The following ALDH1A2 variants were observed in gnomAD, a reference collection of about 807,000 sequenced individuals.
The protein encoded by ALDH1A2 is retinal dehydrogenase 2.
A neutral mutation model predicts 60.3 loss-of-function variants in ALDH1A2; 27 were observed. That is an observed-to-expected ratio of 0.45 (90% CI 0.33 to 0.62). The LOEUF is 0.62. Ranked by LOEUF, ALDH1A2 falls within the 20% of genes least tolerant of loss-of-function variation. The pLI is 0.02. For synonymous variants in ALDH1A2, 289 were observed against 232.4 expected (o/e 1.24, Z -2.21); for missense variants, 581 against 643.8 (o/e 0.90, Z 1.06).
chr15:58,056,056 A>G (rs1369883909), intron 1 of ALDH1A2, among the ~76,000 whole-genome samples: 1 of 152,154 alleles, frequency 6.6e-6, no homozygotes, highest in East Asian at 1.9e-4. Flanking sequence ...GCACATGAGC[A>G]AGAGTACAAC....
At chr15:58,040,654 G>A (rs1354048946) in intron 1 of ALDH1A2, among the ~76,000 whole-genome samples, 14 of 151,872 alleles carry the variant, frequency 9.2e-5, no homozygotes, top group African/African-American at 3.4e-4. Flanking sequence ...CGTCTCCTCT[G>A]CTAAGATGTA....
chr15:57,977,754 G>C (rs1268665226), intron 7 of ALDH1A2, among the ~76,000 whole-genome samples: 1 of 150,974 alleles, frequency 6.6e-6, no homozygotes, highest in Non-Finnish European at 1.5e-5. Flanking sequence ...TATGAAGAAA[G>C]TCAATGGTAG....
At chr15:58,036,811 T>C (rs1396309458) in intron 1 of ALDH1A2, 11 of 151,722 alleles carry the variant, frequency 7.3e-5, no homozygotes, top group African/African-American at 2.2e-4. Flanking sequence ...GTGAAGGAGT[T>C]TGCTTCAGAG....
At chr15:57,980,131 G>T in intron 7 of ALDH1A2, 2 of 289,424 alleles carry the variant, frequency 6.9e-6, no homozygotes, top group Admixed American at 4.2e-5. Context: ...TACATTTGTT[G>T]GTGCCCATTT....
At chr15:57,961,397 T>C in intron 10 of ALDH1A2, 103 bp from the exon 11 acceptor site, 1 of 1,399,786 alleles carries the variant, frequency 7.1e-7, no homozygotes, top group Non-Finnish European at 9.9e-7. Context: ...TTAAATGACC[T>C]TTAAGTTTAG....
chr15:57,978,227 A>G (rs1380102346), intron 7 of ALDH1A2, among the ~76,000 whole-genome samples: 1 of 152,192 alleles, frequency 6.6e-6, no homozygotes, highest in Non-Finnish European at 1.5e-5. Context: ...TTCCAATACT[A>G]TGCTGAATAG....
intron 4 of ALDH1A2, among the ~76,000 whole-genome samples, chr15:58,004,742 T>C (rs1836861785): frequency 6.7e-6 from 1 of 148,678 alleles, no homozygotes; most frequent in Admixed American, 6.9e-5. Context: ...TATATATATA[T>C]ATTTTATCCA....
At chr15:58,020,062 A>T (rs1405339942) in intron 1 of ALDH1A2, among the ~76,000 whole-genome samples, 1 of 151,864 alleles carries the variant, frequency 6.6e-6, no homozygotes, top group Admixed American at 6.6e-5. Context: ...CCCACTTATA[A>T]GTGAGAACAT....
In ALDH1A2 at chr15:58,021,772, C is replaced by T. The variant is rs558501595; in HGVS notation, c.118-7491G>A. 4.6e-5 allele frequency among the ~76,000 whole-genome samples: 7 copies of T among 152,360 alleles called. No homozygotes were observed. In the South Asian group the frequency reaches 1.4e-3, roughly 32 times the overall value. The stretch of plus-strand genomic sequence containing the variant: ...GACAGCAGGGCAAGCTGGGAGTGCT[C>T]CTGTAGCCAAGGCTAAGAAGCCAGT... On this transcript the variant is annotated intron_variant, in intron 1 of 12. Transcript: ENST00000249750.
At chr15:58,001,507 C>T (rs766870826) in intron 4 of ALDH1A2, among the ~76,000 whole-genome samples, 3 of 151,928 alleles carry the variant, frequency 2.0e-5, no homozygotes, top group Non-Finnish European at 4.4e-5. Flanking sequence ...CTAAGCGCCT[C>T]TCTCCCTTTC....
At chr15:57,994,997 C>T in intron 5 of ALDH1A2, 81 bp downstream of exon 5, 3 of 1,330,888 alleles carry the variant, frequency 2.3e-6, no homozygotes, top group African/African-American at 1.4e-5. Context: ...AAACACACAT[C>T]GCTGAGGACC....
intron 1 of ALDH1A2, among the ~76,000 whole-genome samples, chr15:58,056,753 G>A (rs753163171): frequency 6.6e-6 from 1 of 152,018 alleles, no homozygotes; most frequent in Non-Finnish European, 1.5e-5. Context: ...TTAGCCAAAG[G>A]AGGAAAACCA....
At chr15:58,049,153 T>G (rs1210334273) in intron 1 of ALDH1A2, among the ~76,000 whole-genome samples, 5 of 152,148 alleles carry the variant, frequency 3.3e-5, no homozygotes, top group African/African-American at 1.2e-4. Context: ...GTGGTTTGGT[T>G]CTTTTCACTG....
At chr15:58,017,778 T>C (rs1895825997) in intron 1 of ALDH1A2, among the ~76,000 whole-genome samples, 1 of 152,084 alleles carries the variant, frequency 6.6e-6, no homozygotes, top group Non-Finnish European at 1.5e-5. Flanking sequence ...TTTTACCATC[T>C]CTTTATTCTT....
intron 1 of ALDH1A2, among the ~76,000 whole-genome samples, chr15:58,015,249 T>G (rs1895758596): frequency 6.6e-6 from 1 of 152,192 alleles, no homozygotes; most frequent in Non-Finnish European, 1.5e-5. Context: ...GTGCCTGCCA[T>G]TTAAAAAATA....
rs201593015 is a variant in ALDH1A2 at position 58,010,699 on chromosome 15, C to T, written c.443G>A (p.Arg148Gln). Residue 148 changes from arginine to glutamine, a missense_variant, in exon 4 of 13, where the codon CGA becomes CAA. This residue lies in a region of ALDH1A2 where 375 missense variants were observed against 469.7 expected (regional missense o/e 0.80). Coordinates refer to ENST00000249750, the MANE Select transcript of ALDH1A2 (RefSeq NM_003888.4). ...TTTATCAGCCCAGCCTGCGTAATATCGAAAGGTTTTGATGACGCCCTGCAA... is the reference window on the plus strand; with the variant it reads ...TTTATCAGCCCAGCCTGCGTAATATTGAAAGGTTTTGATGACGCCCTGCAA... ...VDLQGVIKTF[R>Q]YYAGWADKIH... 54 of 1,613,370 alleles carry T rather than the reference C, an allele frequency of 3.3e-5. No individual in the cohort carries two copies. Among genetic ancestry groups the T allele is most frequent in the East Asian group, 2.2e-5 (1 of 44,878 alleles).
In ALDH1A2 at chr15:58,065,609, G is replaced by A. The variant is rs1209147917; in HGVS notation, c.42C>T (p.Ala14=). ...GCGACGCCATGAGGGCGGCGGGGTC[G>A]GCCTTCACCTCGCCGGGCATCTCTA... ...SKIEMPGEVK[A]DPAALMASLH... Residue 14 remains alanine (A), a synonymous_variant, in exon 1 of 13, where the codon GCC becomes GCT. Coordinates refer to ENST00000249750, the MANE Select transcript of ALDH1A2 (RefSeq NM_003888.4). 1 of 1,610,036 alleles carries A rather than the reference G, an allele frequency of 6.2e-7. No homozygotes were observed. Among genetic ancestry groups the A allele is most frequent in the Non-Finnish European group, 8.5e-7 (1 of 1,177,968 alleles).
intron 4 of ALDH1A2, among the ~76,000 whole-genome samples, chr15:58,002,510 C>T (rs1208690438): frequency 4.6e-5 from 7 of 151,914 alleles, no homozygotes; most frequent in Admixed American, 4.6e-4. Context: ...CTCGCATTGG[C>T]ACATCCTATA....
chr15:58,054,299 A>C (rs1254609138), intron 1 of ALDH1A2, among the ~76,000 whole-genome samples: 1 of 152,154 alleles, frequency 6.6e-6, no homozygotes, highest in African/African-American at 2.4e-5. Flanking sequence ...TTCTCTCTAA[A>C]AGTGAAGTCA....
Sources: allele counts gnomAD v4.1 joint callset (sites outside exome capture counted in the v4.1 genomes callset), GRCh38; gene constraint gnomAD v4.1.1; regional missense constraint gnomAD v4.1.1; transcripts MANE v1.5; gene names NCBI Gene and HGNC (gene_info 2026-07-23, HGNC 2026-07-21).